The following SLAIN2 variants were observed in gnomAD, a reference collection of about 807,000 sequenced individuals.
SLAIN2 encodes the protein SLAIN motif-containing protein 2.
Under a neutral mutation model 56.6 loss-of-function variants are expected in SLAIN2, and 31 were observed. The ratio of observed to expected loss-of-function variants is 0.55; its 90% CI spans 0.41 to 0.74. The LOEUF (loss-of-function observed/expected upper bound fraction) is 0.74. Ranked by LOEUF, SLAIN2 falls within the 30% of genes least tolerant of loss-of-function variation. SLAIN2 has a pLI of 0.00. For synonymous variants in SLAIN2, 317 were observed against 284.9 expected, an observed-to-expected ratio of 1.11 and a Z score of -1.13; for missense variants, 777 against 754.2, an observed-to-expected ratio of 1.03 and a Z score of -0.35.
chr4:48,356,392 G>C (rs1021773499), intron 1 of SLAIN2, among the ~76,000 whole-genome samples: 1 of 151,876 alleles, frequency 6.6e-6, no homozygotes, highest in Admixed American at 6.6e-5. Context: ...GAAAAGATCT[G>C]TACTAGTAGC....
chr4:48,384,989 T>C (rs1436300502), intron 6 of SLAIN2, among the ~76,000 whole-genome samples: 4 of 152,172 alleles, frequency 2.6e-5, no homozygotes, highest in Non-Finnish European at 5.9e-5. Flanking sequence ...CCAGGAGATA[T>C]AGAACTTCAT....
At chr4:48,387,039 T>G (rs1319998276) in intron 6 of SLAIN2, among the ~76,000 whole-genome samples, 1 of 152,204 alleles carries the variant, frequency 6.6e-6, no homozygotes, top group Non-Finnish European at 1.5e-5. Flanking sequence ...CATTCTGGAT[T>G]TCTCAAAAGT....
Position 48,422,109 on chromosome 4 carries a change from C to T in SLAIN2, c.*32C>T. ...AAGACAAGAATGCAGAAGTCCACGGCTTCATGGATACCCTTCACCAGGCTA... is the reference window on the plus strand; with the variant it reads ...AAGACAAGAATGCAGAAGTCCACGGTTTCATGGATACCCTTCACCAGGCTA... On this transcript the variant is annotated 3_prime_UTR_variant, in exon 8 of 8. Transcript: ENST00000264313. The T allele has an allele frequency of 6.4e-7, 1 of 1,569,476 alleles. No homozygotes were observed.
intron 6 of SLAIN2, among the ~76,000 whole-genome samples, chr4:48,396,178 C>T (rs1716381840): frequency 6.6e-6 from 1 of 152,014 alleles, no homozygotes; most frequent in Non-Finnish European, 1.5e-5. Context: ...CCTATCCTCT[C>T]TGATAAGATA....
chr4:48,364,283 C>T (rs1388882675), intron 1 of SLAIN2, among the ~76,000 whole-genome samples: 1 of 97,270 alleles, frequency 1.0e-5, no homozygotes, highest in Non-Finnish European at 2.3e-5. Context: ...CGATGGGCGG[C>T]GGGGCAGAGA....
At chr4:48,392,515 G>T (rs1179673016) in intron 6 of SLAIN2, among the ~76,000 whole-genome samples, 6 of 151,974 alleles carry the variant, frequency 3.9e-5, no homozygotes, top group Non-Finnish European at 8.8e-5. Flanking sequence ...TGTTCAATTG[G>T]TTACCTTTAC....
At chr4:48,357,841 CA>C (rs1715201902) in intron 1 of SLAIN2, among the ~76,000 whole-genome samples, 2 of 152,212 alleles carry the variant, frequency 1.3e-5, no homozygotes, top group South Asian at 2.1e-4. Context: ...AGGCATGAGC[CA>C]CCGCACCCGG....
At chr4:48,352,485 A>G (rs1170659357) in intron 1 of SLAIN2, among the ~76,000 whole-genome samples, 3 of 152,182 alleles carry the variant, frequency 2.0e-5, no homozygotes, top group Non-Finnish European at 4.4e-5. Flanking sequence ...GATCTTATTA[A>G]TGTTATTGTA....
At chr4:48,385,841 A>G (rs955447570) in intron 6 of SLAIN2, among the ~76,000 whole-genome samples, 6 of 151,770 alleles carry the variant, frequency 4.0e-5, no homozygotes, top group African/African-American at 1.5e-4. Context: ...GACTTCATAT[A>G]CTTCATGTTA....
At chr4:48,401,662 G>C (rs1716560176) in intron 6 of SLAIN2, among the ~76,000 whole-genome samples, 1 of 152,102 alleles carries the variant, frequency 6.6e-6, no homozygotes, top group African/African-American at 2.4e-5. Flanking sequence ...TTTTCAGCCT[G>C]TATGTGTCTT....
chr4:48,410,701 C>T (rs867625773), intron 6 of SLAIN2, among the ~76,000 whole-genome samples: 1 of 152,262 alleles, frequency 6.6e-6, no homozygotes, highest in Middle Eastern at 3.4e-3. Flanking sequence ...TCTTCTATTC[C>T]TTTTTCAATC....
At chr4:48,362,253 A>C (rs901232679) in intron 1 of SLAIN2, among the ~76,000 whole-genome samples, 1 of 151,978 alleles carries the variant, frequency 6.6e-6, no homozygotes, top group Non-Finnish European at 1.5e-5. Flanking sequence ...TTTACCATTA[A>C]GTCTGTTTTT....
At chr4:48,421,509 C>A (rs887106598) in intron 7 of SLAIN2, among the ~76,000 whole-genome samples, 2 of 152,090 alleles carry the variant, frequency 1.3e-5, no homozygotes. Flanking sequence ...AGTAGGTATT[C>A]TTATTTCTAT....
At chr4:48,359,825 A>G (rs745929396) in intron 1 of SLAIN2, among the ~76,000 whole-genome samples, 12 of 152,184 alleles carry the variant, frequency 7.9e-5, no homozygotes, top group Non-Finnish European at 1.5e-4. Flanking sequence ...TTACATTTCT[A>G]ATAACTCAGT....
intron 6 of SLAIN2, among the ~76,000 whole-genome samples, chr4:48,397,128 T>G (rs1373110002): frequency 6.6e-6 from 1 of 152,030 alleles, no homozygotes; most frequent in Non-Finnish European, 1.5e-5. Flanking sequence ...GAAGTGGAGG[T>G]AAATAGGGCA....
intron 6 of SLAIN2, among the ~76,000 whole-genome samples, chr4:48,390,102 G>A (rs1036051203): frequency 8.4e-6 from 1 of 119,344 alleles, no homozygotes; most frequent in East Asian, 2.4e-4. Context: ...TTTTTTTCCT[G>A]AGACTCTGTC....
At chr4:48,406,856 A>G (rs1716710835) in intron 6 of SLAIN2, among the ~76,000 whole-genome samples, 1 of 151,808 alleles carries the variant, frequency 6.6e-6, no homozygotes. Flanking sequence ...TAAATGTATT[A>G]CTCCACCTTC....
At chr4:48,367,392 T>C (rs1715548611) in intron 1 of SLAIN2, among the ~76,000 whole-genome samples, 1 of 152,206 alleles carries the variant, frequency 6.6e-6, no homozygotes, top group Non-Finnish European at 1.5e-5. Flanking sequence ...TGAATAAGTG[T>C]GGACAAGTTG....
At chr4:48,398,552 C>T (rs1716469357) in intron 6 of SLAIN2, among the ~76,000 whole-genome samples, 1 of 152,126 alleles carries the variant, frequency 6.6e-6, no homozygotes, top group Non-Finnish European at 1.5e-5. Flanking sequence ...TTGGCATTTT[C>T]ATCATGCAAC....
Sources: allele counts gnomAD v4.1 joint callset (sites outside exome capture counted in the v4.1 genomes callset), GRCh38; gene constraint gnomAD v4.1.1; transcripts MANE v1.5; gene names NCBI Gene and HGNC (gene_info 2026-07-23, HGNC 2026-07-21).